Variants in GRHL1 observed in about 807,000 individuals in gnomAD.
The protein encoded by GRHL1 is grainyhead-like protein 1 homolog.
A neutral mutation model predicts 75.7 loss-of-function variants in GRHL1; 38 were observed. That is an observed-to-expected ratio of 0.50 (90% CI 0.39 to 0.66). GRHL1 has a LOEUF of 0.66. Among genes scored for constraint, GRHL1 ranks in the 30% least tolerant of loss-of-function variants. The pLI is 0.00. For synonymous variants in GRHL1, 266 were observed against 279.4 expected, an observed-to-expected ratio of 0.95 and a Z score of 0.48; for missense variants, 589 against 767.5, an observed-to-expected ratio of 0.77 and a Z score of 2.75.
At chr2:9,989,133 A>G (rs547445826) in intron 9 of GRHL1, among the ~76,000 whole-genome samples, 1 of 152,306 alleles carries the variant, frequency 6.6e-6, no homozygotes, top group East Asian at 1.9e-4. Flanking sequence ...AGCAGGTTGT[A>G]TATTTACTAT....
At chr2:9,985,603 G>C (rs1244908113) in intron 8 of GRHL1, among the ~76,000 whole-genome samples, 1 of 152,256 alleles carries the variant, frequency 6.6e-6, no homozygotes, top group East Asian at 1.9e-4. Context: ...CATGGGCAAA[G>C]ATTGAGAGAG....
At chr2:9,974,549 A>ACT (rs112738082) in intron 8 of GRHL1, among the ~76,000 whole-genome samples, 25,831 of 152,154 alleles carry the variant, frequency 0.17, 2,785 homozygotes, top group African/African-American at 0.31. Flanking sequence ...GCCAGCAGGC[A>ACT]CTCAGCTCTA....
At chr2:9,985,277 G>A (rs1347470680) in intron 8 of GRHL1, among the ~76,000 whole-genome samples, 2 of 152,130 alleles carry the variant, frequency 1.3e-5, no homozygotes, top group African/African-American at 2.4e-5. Context: ...ACATCTTCCC[G>A]GGTTATTCTA....
rs1558321386 is a variant in GRHL1, at chr2:9,998,799, CATATATATACGTATATATATGTACACAT to C, written c.1678-130_1678-103del. 1.7e-3 allele frequency among the ~76,000 whole-genome samples: 50 copies of C among 29,316 alleles called. 9 individuals are homozygous for C. The highest frequency in any genetic ancestry group is 2.3e-3 in the Non-Finnish European group (44 of 18,876). 19.2% of individuals were successfully genotyped at this position (29,316 alleles called of 152,430 possible). ...ATATATACGTATATATATGTACACACATATATATACGTATATATATGTACACATATATATATACGTATATATATGTACA... is the reference window on the plus strand; with the variant it reads ...ATATATACGTATATATATGTACACACATATATATACGTATATATATGTACA... On this transcript the variant is annotated intron_variant, in intron 14 of 15. Coordinates refer to ENST00000324907, the MANE Select transcript of GRHL1 (RefSeq NM_198182.3).
chr2:9,973,167 GC>G (rs1160003959), intron 8 of GRHL1, among the ~76,000 whole-genome samples: 2 of 152,118 alleles, frequency 1.3e-5, no homozygotes, highest in African/African-American at 4.8e-5. Context: ...GCTGGCTGCC[GC>G]TGAAAGTCTT....
chr2:9,975,057 G>A (rs1263399244), intron 8 of GRHL1, among the ~76,000 whole-genome samples: 1 of 152,174 alleles, frequency 6.6e-6, no homozygotes, highest in Non-Finnish European at 1.5e-5. Flanking sequence ...TCATAGAGTC[G>A]CTGTTGTGAA....
chr2:9,956,883 C>A (rs1279427153), intron 2 of GRHL1, among the ~76,000 whole-genome samples: 1 of 152,142 alleles, frequency 6.6e-6, no homozygotes, highest in East Asian at 1.9e-4. Context: ...GTGTACTACT[C>A]CTGCGTCTCA....
rs554089276 is a variant in GRHL1, at chr2:9,999,044, C to T, written c.1742+15C>T. ...TGTAAAAAGGGGTAAGCAGCCACTGCGTCCTGTGTACCTCGGAAAGTGCTG... is the reference window on the plus strand; with the variant it reads ...TGTAAAAAGGGGTAAGCAGCCACTGTGTCCTGTGTACCTCGGAAAGTGCTG... On this transcript the variant is annotated intron_variant, in intron 15 of 15. Transcript: ENST00000324907. 1.8e-5 allele frequency: 27 copies of T among 1,480,032 alleles called. No individual in the cohort carries two copies. Among genetic ancestry groups the T allele is most frequent in the African/African-American group, 1.4e-4 (10 of 70,400 alleles). The allele number at this position is 1,480,032 out of a possible 1,614,324, so 91.7% of individuals were successfully genotyped here. A position where few individuals can be genotyped will look rare whatever the true frequency, so the allele number is the denominator to read the frequency against.
At chr2:9,977,569 G>A (rs939124714) in intron 8 of GRHL1, among the ~76,000 whole-genome samples, 3 of 152,140 alleles carry the variant, frequency 2.0e-5, no homozygotes, top group African/African-American at 4.8e-5. Flanking sequence ...TGATCCGCCC[G>A]CCTCGGCCTC....
chr2:9,989,705 C>G (rs138330125), intron 9 of GRHL1, among the ~76,000 whole-genome samples: 10 of 152,088 alleles, frequency 6.6e-5, no homozygotes, highest in Non-Finnish European at 1.3e-4. Flanking sequence ...TGCATCACCA[C>G]GCCCGGCTAA....
At chr2:9,986,623 C>G (rs6743540) in intron 9 of GRHL1, among the ~76,000 whole-genome samples, 77,611 of 151,690 alleles carry the variant, frequency 0.51, 20,755 homozygotes, top group African/African-American at 0.67. Context: ...TCGCCATGTT[C>G]CCCAGGCTGG....
Position 9,992,256 on chromosome 2 carries a change from C to G in GRHL1, c.1461+110C>G. ...AAGCCAAAATTGAGTGAGGTTTGAC[C>G]AGTTAGTCAGCTCTTTGGAATATTC... On this transcript the variant is annotated intron_variant, in intron 11 of 15. Coordinates refer to ENST00000324907, the MANE Select transcript of GRHL1 (RefSeq NM_198182.3). This position sits in a 1 kb window ranked among gnomAD's most constrained non-coding sequence, Gnocchi z 4.6. 1 of 919,730 alleles carries G rather than the reference C, an allele frequency of 1.1e-6. No homozygotes were observed. The allele number at this position is 919,730 out of a possible 1,614,324, so 57.0% of individuals were successfully genotyped here. A position where few individuals can be genotyped will look rare whatever the true frequency, so the allele number is the denominator to read the frequency against.
chr2:9,973,087 T>C (rs1176702583), intron 8 of GRHL1, among the ~76,000 whole-genome samples: 1 of 152,214 alleles, frequency 6.6e-6, no homozygotes, highest in Non-Finnish European at 1.5e-5. Context: ...CTGTCCTCCC[T>C]GCCCGCCTCC....
At chr2:9,962,725 T>C (rs901995091) in intron 5 of GRHL1, among the ~76,000 whole-genome samples, 194 bp downstream of exon 5, 1 of 152,210 alleles carries the variant, frequency 6.6e-6, no homozygotes, top group African/African-American at 2.4e-5. Context: ...ATGTTTCAAG[T>C]TTCCTTAATT....
At chr2:9,975,105 G>A (rs1294182366) in intron 8 of GRHL1, among the ~76,000 whole-genome samples, 2 of 152,186 alleles carry the variant, frequency 1.3e-5, no homozygotes, top group Non-Finnish European at 2.9e-5. Context: ...AGCTTAGTCC[G>A]AGGAGGTGCT....
At chr2:9,961,934 T>C (rs1432574797) in intron 4 of GRHL1, among the ~76,000 whole-genome samples, 1 of 152,170 alleles carries the variant, frequency 6.6e-6, no homozygotes, top group Non-Finnish European at 1.5e-5. Flanking sequence ...AATACCTCAC[T>C]CAGCTAAAAG....
intron 14 of GRHL1, among the ~76,000 whole-genome samples, chr2:9,997,747 A>G (rs1353361695): frequency 1.3e-5 from 2 of 151,404 alleles, no homozygotes; most frequent in African/African-American, 4.9e-5. Context: ...CACTTGAACC[A>G]GGGAGGTGGA....
intron 15 of GRHL1, 75 bp from the exon 16 acceptor site, chr2:10,000,518 C>T: frequency 1.3e-6 from 1 of 763,612 alleles, no homozygotes; most frequent in Non-Finnish European, 2.3e-6. Context: ...AGTGGGAGAG[C>T]TAACAGGTCA....
In GRHL1 at chr2:9,998,448, G is replaced by A. The variant is rs867430909; in HGVS notation, c.1678-517G>A. ...CATGTGTGTGTGTGTGTGTGTGTGTGTATATATATACATATATATACGTAT... is the reference window on the plus strand; with the variant it reads ...CATGTGTGTGTGTGTGTGTGTGTGTATATATATATACATATATATACGTAT... On this transcript the variant is annotated intron_variant, in intron 14 of 15. Coordinates refer to ENST00000324907, the MANE Select transcript of GRHL1 (RefSeq NM_198182.3). Among the ~76,000 whole-genome samples, 6 of 71,144 alleles carry A rather than the reference G, an allele frequency of 8.4e-5. 2 individuals carry two copies. Among genetic ancestry groups the A allele is most frequent in the Non-Finnish European group, 1.6e-4 (6 of 38,050 alleles). The allele number at this position is 71,144 out of a possible 152,430, so 46.7% of individuals were successfully genotyped here.
Sources: allele counts gnomAD v4.1 joint callset (sites outside exome capture counted in the v4.1 genomes callset), GRCh38; gene constraint gnomAD v4.1.1; non-coding constraint Gnocchi (gnomAD v3.1); transcripts MANE v1.5; gene names NCBI Gene and HGNC (gene_info 2026-07-23, HGNC 2026-07-21).